Variants in EP300 observed in about 807,000 individuals in gnomAD.
The protein encoded by EP300 is histone acetyltransferase p300.
A neutral mutation model predicts 264.0 loss-of-function variants in EP300; 31 were observed. The ratio of observed to expected loss-of-function variants is 0.12; its 90% CI spans 0.09 to 0.16. The LOEUF (loss-of-function observed/expected upper bound fraction) is 0.16. EP300 is among the 10% of genes least tolerant of loss of function. EP300 has a pLI of 1.00. For synonymous variants in EP300, 1,340 were observed against 1,045.4 expected (o/e 1.28, Z -5.44); for missense variants, 2,766 against 3,052.9 (o/e 0.91, Z 2.21).
At chr22:41,094,712 C>T (rs1002803855) in intron 1 of EP300, among the ~76,000 whole-genome samples, 2 of 152,078 alleles carry the variant, frequency 1.3e-5, no homozygotes, top group African/African-American at 2.4e-5. Context: ...GTGTTTCTTT[C>T]GTATTTGTGT....
intron 1 of EP300, among the ~76,000 whole-genome samples, chr22:41,096,928 A>C (rs560713302): frequency 1.3e-5 from 2 of 152,106 alleles, no homozygotes; most frequent in African/African-American, 4.8e-5. Context: ...TGTCAGCTCT[A>C]TTTTCTTAAA....
chr22:41,141,167 A>G lies in EP300; in HGVS notation c.1998A>G (p.Pro666=), dbSNP rs1451165837. Residue 666 remains proline, a synonymous_variant, in exon 10 of 31, where the codon CCA becomes CCG. Transcript: ENST00000263253. ...TACCAAATGCTGCAGGCATGGTTCC[A>G]GTTTCCATGAATCCAGGGCCTAACA... ...NMLPNAAGMV[P]VSMNPGPNMG... 29 of 1,614,118 alleles carry G rather than the reference A, an allele frequency of 1.8e-5. No individual in the cohort carries two copies. The highest frequency in any genetic ancestry group is 3.3e-5 in the Admixed American group (2 of 60,010).
At chr22:41,104,228 T>C (rs1212696033) in intron 1 of EP300, among the ~76,000 whole-genome samples, 1 of 152,182 alleles carries the variant, frequency 6.6e-6, no homozygotes, top group Non-Finnish European at 1.5e-5. Flanking sequence ...CTATAAAACA[T>C]GTCCTTGAGT....
intron 22 of EP300, 121 bp downstream of exon 22, chr22:41,164,251 T>G: frequency 1.0e-6 from 1 of 989,278 alleles, no homozygotes; most frequent in Non-Finnish European, 1.6e-6. Flanking sequence ...AATTGTTTTC[T>G]TTGGGTTTGG....
At chr22:41,163,533 G>T (rs548645270) in intron 21 of EP300, among the ~76,000 whole-genome samples, 2 of 151,960 alleles carry the variant, frequency 1.3e-5, no homozygotes, top group African/African-American at 4.8e-5. Flanking sequence ...GATCACCCAA[G>T]GTCAAGAGTT....
Position 41,158,445 on chromosome 22 carries a change from G to A in EP300, c.3535G>A (p.Gly1179Ser), listed in dbSNP as rs1425344418. ...CTCTCCACAGACACTGTGTTGCTAC[G>A]GCAAACAGTTGTGCACAATACCTCG... ...EFSPQTLCCY[G>S]KQLCTIPRDA... The change falls in exon 19 of 31, where the codon GGC becomes AGC. Residue 1179 changes from glycine (G) to serine (S), a missense_variant. Transcript: ENST00000263253. 6.2e-7 allele frequency: 1 copy of A among 1,614,038 alleles called. No individual in the cohort carries two copies. The highest frequency in any genetic ancestry group is 8.5e-7 in the Non-Finnish European group (1 of 1,180,014).
intron 22 of EP300, among the ~76,000 whole-genome samples, chr22:41,165,623 A>G (rs1330874510): frequency 1.3e-5 from 2 of 152,020 alleles, no homozygotes; most frequent in Non-Finnish European, 2.9e-5. Flanking sequence ...GGGTTTCATC[A>G]TATTGGTCAG....
chr22:41,093,114 C>A lies in EP300; in HGVS notation c.94+16C>A, dbSNP rs1312743340. On this transcript the variant is annotated intron_variant, in intron 1 of 30. Coordinates refer to ENST00000263253, the MANE Select transcript of EP300 (RefSeq NM_001429.4). ...GATGGCACAGGTTAGTTTCGGCAGC[C>A]CCGGCCTTCCACGTTCCCTTTAATC... The A allele has an allele frequency of 6.2e-7, 1 of 1,613,176 alleles. No individual in the cohort carries two copies. Among genetic ancestry groups the A allele is most frequent in the South Asian group, 1.1e-5 (1 of 91,072 alleles).
Position 41,140,269 on chromosome 22 carries a change from GT to G in EP300, c.1878+19del, listed in dbSNP as rs747624858. ...CTGCAAACAATCGAGTGAGTGTCTGGTTTTTTTCTATTAATAGCCAAGATTG... is the reference window on the plus strand; with the variant it reads ...CTGCAAACAATCGAGTGAGTGTCTGGTTTTTTCTATTAATAGCCAAGATTG... On this transcript the variant is annotated intron_variant, in intron 9 of 30. Transcript: ENST00000263253. The G allele has an allele frequency of 1.3e-6, 2 of 1,559,544 alleles. No individual in the cohort carries two copies. Among genetic ancestry groups the G allele is most frequent in the Non-Finnish European group, 1.8e-6 (2 of 1,130,346 alleles).
At chr22:41,137,528 T>C (rs1278521706) in intron 7 of EP300, 125 bp from the exon 8 acceptor site, 1 of 1,272,956 alleles carries the variant, frequency 7.9e-7, no homozygotes, top group African/African-American at 1.5e-5. Flanking sequence ...CCTGCCTAGC[T>C]CCTTAATGCG....
chr22:41,172,693 C>A (rs778306278), intron 28 of EP300, 30 bp downstream of exon 28: 26 of 1,599,646 alleles, frequency 1.6e-5, no homozygotes, highest in Non-Finnish European at 2.0e-5. Flanking sequence ...TTTGAAACTT[C>A]TATCATGATT....
At chr22:41,146,457 G>A (rs1038124083) in intron 10 of EP300, 26 of 416,704 alleles carry the variant, frequency 6.2e-5, no homozygotes, top group Non-Finnish European at 9.8e-5. Context: ...GTGAGCCACT[G>A]TGCCTGGCCT....
chr22:41,103,837 CAGT>C (rs2058744464), intron 1 of EP300, among the ~76,000 whole-genome samples: 2 of 152,254 alleles, frequency 1.3e-5, no homozygotes, highest in South Asian at 4.1e-4. Flanking sequence ...TACAGAGCAG[CAGT>C]AGGTAGAACC....
At chr22:41,146,032 G>A (rs1002361780) in intron 10 of EP300, among the ~76,000 whole-genome samples, 6 of 151,922 alleles carry the variant, frequency 3.9e-5, no homozygotes, top group South Asian at 2.1e-4. Context: ...GCATAAAAAC[G>A]TTGTGCTACA....
At chr22:41,153,961 C>T (rs2059061896) in intron 16 of EP300, among the ~76,000 whole-genome samples, 1 of 152,000 alleles carries the variant, frequency 6.6e-6, no homozygotes, top group Non-Finnish European at 1.5e-5. Context: ...AAATAAGGCC[C>T]TTGCTGAAAT....
chr22:41,179,876 CCACTCACACACACACACA>C lies in EP300; in HGVS notation c.*924_*941del, dbSNP rs1451634649. 6 of 131,404 alleles carry C rather than the reference CCACTCACACACACACACA, an allele frequency of 4.6e-5. No individual in the cohort carries two copies. Among genetic ancestry groups the C allele is most frequent in the South Asian group, 4.2e-4 (1 of 2,358 alleles). The allele number at this position is 131,404 out of a possible 1,614,324, so 8.1% of individuals were successfully genotyped here. A position where few individuals can be genotyped will look rare whatever the true frequency, so the allele number is the denominator to read the frequency against. On this transcript the variant is annotated 3_prime_UTR_variant, in exon 31 of 31. Transcript: ENST00000263253. ...GCTTTCTTCCTCCTTACCCTACCCC[CCACTCACACACACACACA>C]CACACACACACACACACACACACAC...
intron 1 of EP300, among the ~76,000 whole-genome samples, chr22:41,094,896 A>G (rs1002667616): frequency 2.6e-5 from 4 of 152,098 alleles, no homozygotes; most frequent in Admixed American, 1.3e-4. Flanking sequence ...CAGGTGTGCT[A>G]CTACTTTCTC....
Position 41,128,039 on chromosome 22 carries a change from T to C in EP300, c.1168+291T>C, listed in dbSNP as rs143345090. On this transcript the variant is annotated intron_variant, in intron 4 of 30. Transcript: ENST00000263253. ...CTCGCCGGGCATGATGATGCACCTG[T>C]AGTCCTAGCTGAGGGACTAAGAAGG... 9.2e-5 allele frequency among the ~76,000 whole-genome samples: 14 copies of C among 152,168 alleles called. 1 individual carries two copies. Among genetic ancestry groups the C allele is most frequent in the Admixed American group, 5.9e-4 (9 of 15,272 alleles).
At chr22:41,135,357 C>T (rs2058944482) in intron 6 of EP300, among the ~76,000 whole-genome samples, 1 of 152,130 alleles carries the variant, frequency 6.6e-6, no homozygotes, top group African/African-American at 2.4e-5. Flanking sequence ...TAGCTCTTTT[C>T]CTCTCATTAT....
Sources: allele counts gnomAD v4.1 joint callset (sites outside exome capture counted in the v4.1 genomes callset), GRCh38; gene constraint gnomAD v4.1.1; transcripts MANE v1.5; gene names NCBI Gene and HGNC (gene_info 2026-07-23, HGNC 2026-07-21).